Variants in MICAL2 observed in about 807,000 individuals in gnomAD.
MICAL2 encodes the protein [F-actin]-monooxygenase MICAL2.
MICAL2 carries 77 observed loss-of-function variants against 127.3 expected under a neutral mutation model. The ratio of observed to expected loss-of-function variants is 0.60; its 90% CI spans 0.50 to 0.73. MICAL2 has a LOEUF of 0.73. Among genes scored for constraint, MICAL2 ranks in the 30% least tolerant of loss-of-function variants. The pLI is 0.00. For missense variants in MICAL2, 1,351 were observed against 1,434.4 expected (o/e 0.94, Z 0.94); for synonymous variants, 570 against 551.1 (o/e 1.03, Z -0.48).
intron 32 of MICAL2, among the ~76,000 whole-genome samples, chr11:12,342,934 A>T (rs2055104): frequency 0.47 from 71,313 of 151,620 alleles, 18,663 homozygotes; most frequent in Non-Finnish European, 0.61. Context: ...GGGGGCAGGG[A>T]GCTGATGGAA....
At position 12,221,636 on chromosome 11, in the gene MICAL2, T is replaced by C; in HGVS notation, c.1207-8T>C. 6.2e-7 allele frequency: 1 copy of C among 1,602,686 alleles called. No individual in the cohort carries two copies. Among genetic ancestry groups the C allele is most frequent in the Non-Finnish European group, 8.5e-7 (1 of 1,171,802 alleles). ...ATCAACTGGAATTTTGCACGTTTTC[T>C]TTTGCAGCCATTTTGGCCCATGGGT... On this transcript the variant is annotated splice_polypyrimidine_tract_variant and splice_region_variant and intron_variant, in intron 9 of 27. Transcript: ENST00000683283.
rs111621892 is a variant in MICAL2 at position 12,226,932 on chromosome 11, CGT to C, written c.1889-91_1889-90del. 1.6e-3 allele frequency: 1,491 copies of C among 947,288 alleles called. 11 individuals carry two copies. The African/African-American group carries it at 0.022, about 14-fold the overall frequency. The allele number at this position is 947,288 out of a possible 1,614,324, so 58.7% of individuals were successfully genotyped here. On this transcript the variant is annotated intron_variant, in intron 14 of 27. Coordinates refer to ENST00000683283, the MANE Select transcript of MICAL2 (RefSeq NM_001282663.2). Reference sequence around the variant, plus strand: ...GCCTCCCAAGTGCTGGGATTACAGGCGTGAGCCACCACACCCAGCCAACACCT... The same window carrying C: ...GCCTCCCAAGTGCTGGGATTACAGGCGAGCCACCACACCCAGCCAACACCT...
At chr11:12,266,974 G>C (rs77594533), downstream of MICAL2, among the ~76,000 whole-genome samples, 2 of 152,214 alleles carry the variant, frequency 1.3e-5, no homozygotes, top group Non-Finnish European at 2.9e-5. Context: ...GGGCATTCTC[G>C]ATTAACTGGG....
At chr11:12,167,370 G>A (rs1855634380) in intron 3 of MICAL2, among the ~76,000 whole-genome samples, 1 of 152,128 alleles carries the variant, frequency 6.6e-6, no homozygotes. Context: ...CCTGTGTGTA[G>A]CCCAGGCCCC....
intron 1 of MICAL2, among the ~76,000 whole-genome samples, chr11:12,111,905 G>C (rs551937104): frequency 2.0e-5 from 3 of 152,218 alleles, no homozygotes; most frequent in Non-Finnish European, 2.9e-5. Context: ...GGGTAGTCCT[G>C]TGCAATGCCC....
At chr11:12,339,978 T>G (rs1230646941) in intron 32 of MICAL2, among the ~76,000 whole-genome samples, 1 of 152,120 alleles carries the variant, frequency 6.6e-6, no homozygotes, top group Non-Finnish European at 1.5e-5. Flanking sequence ...AAAGCTCAGT[T>G]GGAAATGCAG....
At chr11:12,207,879 G>A (rs551030654) in intron 4 of MICAL2, 144 bp from the exon 5 acceptor site, 5 of 658,042 alleles carry the variant, frequency 7.6e-6, no homozygotes, top group Non-Finnish European at 1.4e-5. Context: ...AGAGCTCTTG[G>A]TGCATAATCC....
chr11:12,185,376 G>C, intron 3 of MICAL2, among the ~76,000 whole-genome samples: 1 of 152,192 alleles, frequency 6.6e-6, no homozygotes, highest in South Asian at 2.1e-4. Flanking sequence ...TTGTGAAGAC[G>C]TATACACATT....
At chr11:12,356,611 G>T (rs1939132442) in intron 34 of MICAL2, among the ~76,000 whole-genome samples, 1 of 152,256 alleles carries the variant, frequency 6.6e-6, no homozygotes, top group South Asian at 2.1e-4. Context: ...CACTCTCTCG[G>T]GGTGCCTGAG....
In MICAL2 at chr11:12,187,737, C is replaced by T. The variant is rs1858497553; in HGVS notation, c.265-16513C>T. ...CGTATCTGTCTTACTTCTCGGCTAT[C>T]TTGCTGGTGGCTGGCAGCTGCCTCC... is the stretch of plus-strand genomic sequence containing the variant. On this transcript the variant is annotated intron_variant, in intron 3 of 27. Transcript: ENST00000683283. Among the ~76,000 whole-genome samples, 6 of 152,200 alleles carry T rather than the reference C, an allele frequency of 3.9e-5. No homozygotes were observed. The South Asian group carries it at 1.2e-3, about 31-fold the overall frequency.
At chr11:12,350,011 C>A in intron 33 of MICAL2, 1 of 1,254,156 alleles carries the variant, frequency 8.0e-7, no homozygotes, top group Non-Finnish European at 1.1e-6. Context: ...CCCTCCTAGG[C>A]CGAAGTCTCG....
intron 18 of MICAL2, 77 bp downstream of exon 18, chr11:12,241,239 C>T (rs1169899138): frequency 2.0e-6 from 3 of 1,524,802 alleles, no homozygotes; most frequent in Admixed American, 2.0e-5. Flanking sequence ...GTCAGTGGCT[C>T]TTCCCACACC....
upstream of MICAL2, among the ~76,000 whole-genome samples, chr11:12,272,119 A>G (rs1213480183): frequency 6.6e-6 from 1 of 152,166 alleles, no homozygotes; most frequent in Non-Finnish European, 1.5e-5. Context: ...GAAAAGCAGG[A>G]CACTGGGTGT....
chr11:12,131,508 A>C (rs914969751), intron 1 of MICAL2, among the ~76,000 whole-genome samples: 1 of 151,966 alleles, frequency 6.6e-6, no homozygotes, highest in Non-Finnish European at 1.5e-5. Context: ...CAACACCCTC[A>C]TCCCCCAAGT....
intron 2 of MICAL2, among the ~76,000 whole-genome samples, chr11:12,281,372 A>G (rs1590719649): frequency 6.6e-6 from 1 of 152,152 alleles, no homozygotes; most frequent in Non-Finnish European, 1.5e-5. Flanking sequence ...GCTGGCAGGG[A>G]TCAGGGGCCC....
intron 2 of MICAL2, among the ~76,000 whole-genome samples, chr11:12,157,837 A>T (rs1296245044): frequency 5.3e-5 from 8 of 152,330 alleles, no homozygotes; most frequent in Admixed American, 1.3e-4. Flanking sequence ...AGCCCTTCCC[A>T]GTTCATTCCC....
intron 1 of MICAL2, among the ~76,000 whole-genome samples, chr11:12,120,125 C>A (rs1324548287): frequency 2.6e-5 from 4 of 152,190 alleles, no homozygotes; most frequent in Non-Finnish European, 5.9e-5. Flanking sequence ...GTCCCAAGAT[C>A]TTTTCTTATC....
At chr11:12,331,972 C>A (rs1362266626) in intron 32 of MICAL2, among the ~76,000 whole-genome samples, 1 of 152,064 alleles carries the variant, frequency 6.6e-6, no homozygotes. Flanking sequence ...AGATTTAAGC[C>A]GGTTTCTCTA....
chr11:12,338,428 T>G (rs1235038393), intron 32 of MICAL2, among the ~76,000 whole-genome samples: 1 of 152,244 alleles, frequency 6.6e-6, no homozygotes, highest in East Asian at 1.9e-4. Flanking sequence ...TCTGTGTCTT[T>G]TAATTGGCGC....
Sources: allele counts gnomAD v4.1 joint callset (sites outside exome capture counted in the v4.1 genomes callset), GRCh38; gene constraint gnomAD v4.1.1; transcripts MANE v1.5; gene names NCBI Gene and HGNC (gene_info 2026-07-23, HGNC 2026-07-21).